The following RGS1 variants were observed in gnomAD, a reference collection of about 807,000 sequenced individuals.
RGS1 encodes B-cell activation protein BL34.
RGS1 carries 11 observed loss-of-function variants against 22.2 expected under a neutral mutation model. That is an observed-to-expected ratio of 0.50 (90% CI 0.31 to 0.82). The LOEUF (loss-of-function observed/expected upper bound fraction) is 0.82. Ranked by LOEUF, RGS1 falls within the 40% of genes least tolerant of loss-of-function variation. The pLI is 0.04. For missense variants in RGS1, 255 were observed against 245.8 expected (o/e 1.04, Z -0.25); for synonymous variants, 81 against 79.9 (o/e 1.01, Z -0.07).
intron 2 of RGS1, 67 bp from the exon 3 acceptor site, chr1:192,576,707 C>T: frequency 3.1e-6 from 4 of 1,305,424 alleles, no homozygotes; most frequent in Non-Finnish European, 4.4e-6. Flanking sequence ...GTGTAACAGC[C>T]ATTCTTATTT....
At chr1:192,578,478 G>T in intron 4 of RGS1, 93 bp downstream of exon 4, 1 of 1,439,984 alleles carries the variant, frequency 6.9e-7, no homozygotes, top group Non-Finnish European at 9.5e-7. Flanking sequence ...AAATCCTTTT[G>T]GGGTATATAA....
In RGS1 at chr1:192,578,401, A is replaced by G. The variant is rs371061702; in HGVS notation, c.444+16A>G. ...TGCTAAACAAGTGAGTATTAAGCTTATCATCATCAGTTTCTCCATAAAAGA... is the reference window on the plus strand; with the variant it reads ...TGCTAAACAAGTGAGTATTAAGCTTGTCATCATCAGTTTCTCCATAAAAGA... On this transcript the variant is annotated intron_variant, in intron 4 of 4. Coordinates refer to ENST00000367459, the MANE Select transcript of RGS1 (RefSeq NM_002922.4). 1.4e-5 allele frequency: 23 copies of G among 1,610,678 alleles called. No individual in the cohort carries two copies. The African/African-American group carries it at 2.8e-4, about 20-fold the overall frequency.
In RGS1 at chr1:192,576,273, T is replaced by C; in HGVS notation, c.138-12T>C. 1 of 1,562,348 alleles carries C rather than the reference T, an allele frequency of 6.4e-7. No homozygotes were observed. Among genetic ancestry groups the C allele is most frequent in the Non-Finnish European group, 8.8e-7 (1 of 1,137,890 alleles). ...GAAGAAATATGAATATTCACTTTTA[T>C]GTCTTTTGTAGTGGAATGGATATGA... On this transcript the variant is annotated splice_polypyrimidine_tract_variant and intron_variant, in intron 1 of 4. Transcript: ENST00000367459.
At chr1:192,577,147 G>T in intron 3 of RGS1, 1 of 262,592 alleles carries the variant, frequency 3.8e-6, no homozygotes, top group South Asian at 1.4e-4. Flanking sequence ...ATTTTAATAT[G>T]TACATTGCCA....
chr1:192,576,181 AT>A, intron 1 of RGS1, 103 bp from the exon 2 acceptor site: 1 of 1,030,198 alleles, frequency 9.7e-7, no homozygotes, highest in Non-Finnish European at 1.4e-6. Context: ...TGTATCAACC[AT>A]TTTTAGTATT....
chr1:192,575,982 G>C (rs1359719322), intron 1 of RGS1, 53 bp downstream of exon 1: 5 of 1,596,928 alleles, frequency 3.1e-6, no homozygotes, highest in Non-Finnish European at 4.3e-6. Context: ...ATCTTTAATG[G>C]CAGAAGGATT....
chr1:192,577,881 G>T (rs1313661112), intron 3 of RGS1: 1 of 231,128 alleles, frequency 4.3e-6, no homozygotes, highest in South Asian at 7.9e-5. Flanking sequence ...CTCTACTCTG[G>T]CTAAGATTTG....
At chr1:192,576,021 T>C (rs1329411300) in intron 1 of RGS1, 92 bp downstream of exon 1, 1 of 1,474,432 alleles carries the variant, frequency 6.8e-7, no homozygotes, top group African/African-American at 1.4e-5. Context: ...GTGTGAGCAT[T>C]TAGTTTAGCC....
intron 3 of RGS1, 91 bp from the exon 4 acceptor site, chr1:192,578,131 G>A: frequency 6.9e-7 from 1 of 1,439,554 alleles, no homozygotes. Flanking sequence ...GGAAGCAATT[G>A]TATTTTTCTT....
Position 192,579,884 on chromosome 1 carries a change from A to G in RGS1, c.*562A>G, listed in dbSNP as rs888936653. 4 of 152,170 alleles carry G rather than the reference A, an allele frequency of 2.6e-5. No homozygotes were observed. Among genetic ancestry groups the G allele is most frequent in the African/African-American group, 9.7e-5 (4 of 41,450 alleles). The allele number at this position is 152,170 out of a possible 1,614,324, so 9.4% of individuals were successfully genotyped here. ...AACCAGGGAGTCAGAATATATTTGT[A>G]AGTTAAATCATTGGTGCTAATAATA... On this transcript the variant is annotated 3_prime_UTR_variant, in exon 5 of 5. Transcript: ENST00000367459.
At position 192,578,349 on chromosome 1, in the gene RGS1, A is replaced by T; in HGVS notation, c.408A>T (p.Ile136=). The T allele has an allele frequency of 6.2e-7, 1 of 1,613,094 alleles. No homozygotes were observed. The highest frequency in any genetic ancestry group is 8.5e-7 in the Non-Finnish European group (1 of 1,179,502). The change falls in exon 4 of 5, where the codon ATA becomes ATT. Residue 136 remains isoleucine, a synonymous_variant. Transcript: ENST00000367459. ...TTTTGCCCTGTAAAGCAGAAGAGAT[A>T]TATAAAGCATTTGTGCATTCAGATG... The part of the protein sequence containing the change: ...SDLLPCKAEE[I]YKAFVHSDAA...
At chr1:192,576,965 A>AG in intron 3 of RGS1, 130 bp downstream of exon 3, 1 of 724,766 alleles carries the variant, frequency 1.4e-6, no homozygotes, top group Non-Finnish European at 2.2e-6. Context: ...GTAGTTACTG[A>AG]TAACTTCAGC....
intron 2 of RGS1, 189 bp downstream of exon 2, chr1:192,576,554 C>A (rs1662064051): frequency 1.6e-6 from 1 of 629,602 alleles, no homozygotes; most frequent in Non-Finnish European, 2.7e-6. Context: ...ACATATTGGA[C>A]TTTATCTATT....
Position 192,577,114 on chromosome 1 carries a change from A to C in RGS1, c.280+279A>C, listed in dbSNP as rs573050126. On this transcript the variant is annotated intron_variant, in intron 3 of 4. Transcript: ENST00000367459. ...CATTGTGCTGGGATTCTGATATGTAAAAATTTTAAAAGTAAGCCAAATATT... is the reference window on the plus strand; with the variant it reads ...CATTGTGCTGGGATTCTGATATGTACAAATTTTAAAAGTAAGCCAAATATT... 94 of 326,364 alleles carry C rather than the reference A, an allele frequency of 2.9e-4. 1 individual carries two copies. Among genetic ancestry groups the C allele is most frequent in the African/African-American group, 1.8e-3 (85 of 47,074 alleles). The allele number at this position is 326,364 out of a possible 1,614,324, so 20.2% of individuals were successfully genotyped here.
intron 3 of RGS1, chr1:192,577,534 G>A (rs1467065860): frequency 6.6e-6 from 1 of 152,254 alleles, no homozygotes. Flanking sequence ...TTTCAGAGGT[G>A]TAGATGAGCA....
chr1:192,579,027 A>C, intron 4 of RGS1, 110 bp from the exon 5 acceptor site: 1 of 1,008,034 alleles, frequency 9.9e-7, no homozygotes, highest in South Asian at 1.7e-5. Flanking sequence ...ATTTGAATTG[A>C]TTTAAATGAG....
At chr1:192,578,502 T>C in intron 4 of RGS1, 117 bp downstream of exon 4, 2 of 1,094,558 alleles carry the variant, frequency 1.8e-6, no homozygotes, top group Non-Finnish European at 2.6e-6. Context: ...TACTTCTACA[T>C]ACTTAGGCAT....
intron 2 of RGS1, 152 bp downstream of exon 2, chr1:192,576,517 G>A: frequency 1.5e-6 from 1 of 647,690 alleles, no homozygotes; most frequent in East Asian, 2.8e-5. Flanking sequence ...CAGTACCAAT[G>A]TAAATTGAAT....
chr1:192,578,472 C>G, intron 4 of RGS1, 87 bp downstream of exon 4: 1 of 1,452,870 alleles, frequency 6.9e-7, no homozygotes, highest in Non-Finnish European at 9.4e-7. Context: ...AAGATAAAAT[C>G]CTTTTGGGGT....
Sources: gnomAD v4.1 joint callset for allele counts on GRCh38, gnomAD v4.1.1 for gene constraint, MANE v1.5 for transcripts, NCBI Gene and HGNC (gene_info 2026-07-23, HGNC 2026-07-21) for gene names.